The following PLCG2 variants were observed in gnomAD, a reference collection of about 807,000 sequenced individuals.
PLCG2 encodes the protein 1-phosphatidylinositol 4,5-bisphosphate phosphodiesterase gamma-2.
In PLCG2, 69 loss-of-function variants were observed where a neutral mutation model predicts 175.6. The ratio of observed to expected loss-of-function variants is 0.39; its 90% CI spans 0.32 to 0.48. The LOEUF is 0.48. Ranked by LOEUF, PLCG2 falls within the 20% of genes least tolerant of loss-of-function variation. The pLI, the probability that PLCG2 is intolerant of heterozygous loss-of-function variation, is 0.91. For missense variants in PLCG2, 1,798 were observed against 1,650.9 expected (o/e 1.09, Z -1.54); for synonymous variants, 827 against 624.0 (o/e 1.33, Z -4.85).
chr16:81,747,081 C>G (rs1346723861), intron 1 of PLCG2, among the ~76,000 whole-genome samples: 2 of 152,146 alleles, frequency 1.3e-5, no homozygotes, highest in Non-Finnish European at 2.9e-5. Flanking sequence ...CATTCTCAAA[C>G]AGTACTAGCG....
intron 21 of PLCG2, 118 bp from the exon 22 acceptor site, chr16:81,923,367 C>A: frequency 1.6e-6 from 1 of 627,782 alleles, no homozygotes; most frequent in Non-Finnish European, 2.8e-6. Context: ...GACTTTGTAA[C>A]CTTGGCCTGA....
At position 81,884,503 on chromosome 16, in the gene PLCG2, G is replaced by T. The variant is rs12924928; in HGVS notation, c.765+1162G>T. 3.6e-3 allele frequency among the ~76,000 whole-genome samples: 542 copies of T among 152,070 alleles called. 4 individuals carry two copies. The highest frequency in any genetic ancestry group is 0.012 in the African/African-American group (515 of 41,492). On this transcript the variant is annotated intron_variant, in intron 9 of 32. Transcript: ENST00000564138. ...TTACCAGCTGCACAGCCACCGACAGGTGGTTTACCCTTTTTGTGCCCCAGT... is the reference window on the plus strand; with the variant it reads ...TTACCAGCTGCACAGCCACCGACAGTTGGTTTACCCTTTTTGTGCCCCAGT...
At chr16:81,824,324 A>G (rs28546769) in intron 2 of PLCG2, among the ~76,000 whole-genome samples, 6,023 of 152,038 alleles carry the variant, frequency 0.04, 170 homozygotes, top group African/African-American at 0.073. Flanking sequence ...AGTAGAGACA[A>G]GGTTTCACCA....
intron 2 of PLCG2, among the ~76,000 whole-genome samples, chr16:81,769,645 G>A (rs949459478): frequency 6.6e-6 from 1 of 151,694 alleles, no homozygotes; most frequent in Non-Finnish European, 1.5e-5. Flanking sequence ...GTGAAACCCC[G>A]TCTCTACTAA....
At chr16:81,795,084 C>T (rs76953434) in intron 2 of PLCG2, among the ~76,000 whole-genome samples, 3 of 152,286 alleles carry the variant, frequency 2.0e-5, no homozygotes, top group African/African-American at 7.2e-5. Flanking sequence ...CAAAGAGGAC[C>T]TGATGTGTGT....
intron 7 of PLCG2, among the ~76,000 whole-genome samples, chr16:81,876,863 T>C (rs1347309234): frequency 6.6e-6 from 1 of 152,180 alleles, no homozygotes; most frequent in Admixed American, 6.5e-5. Context: ...ACCCGTAGCA[T>C]CTAGAATATT....
At chr16:81,815,951 A>C (rs543805262) in intron 2 of PLCG2, among the ~76,000 whole-genome samples, 5 of 151,906 alleles carry the variant, frequency 3.3e-5, no homozygotes, top group South Asian at 2.1e-4. Context: ...AATCCTGGCT[A>C]CTCAGGAGGC....
At position 81,893,855 on chromosome 16, in the gene PLCG2, T is replaced by C. The variant is rs1041851418; in HGVS notation, c.1072+61T>C. 2.2e-5 allele frequency: 23 copies of C among 1,031,910 alleles called. No homozygotes were observed. The Admixed American group carries it at 4.3e-4, about 19-fold the overall frequency. 63.9% of individuals were successfully genotyped at this position (1,031,910 alleles called of 1,614,324 possible). On this transcript the variant is annotated intron_variant, in intron 12 of 32. Transcript: ENST00000564138. ...AGCAAATTGAGGATAACCATGTGGTTGCTCCATGTTTTCTTTCGAATTGTA... is the reference window on the plus strand; with the variant it reads ...AGCAAATTGAGGATAACCATGTGGTCGCTCCATGTTTTCTTTCGAATTGTA...
rs12325308 is a variant in PLCG2, at chr16:81,927,054, C to G, written c.2418-28C>G. 17 of 1,462,420 alleles carry G rather than the reference C, an allele frequency of 1.2e-5. No homozygotes were observed. In the Admixed American group the frequency reaches 2.8e-4, roughly 24 times the overall value. The allele number at this position is 1,462,420 out of a possible 1,614,324, so 90.6% of individuals were successfully genotyped here. On this transcript the variant is annotated intron_variant, in intron 22 of 32. Transcript: ENST00000564138. ...GGTAATTCATGCCACCTGGTGACAG[C>G]GCCCCCATGTCCTCTCTTCTTATCC... is the stretch of plus-strand genomic sequence containing the variant.
At chr16:81,799,191 A>G (rs970387964) in intron 2 of PLCG2, among the ~76,000 whole-genome samples, 1 of 152,182 alleles carries the variant, frequency 6.6e-6, no homozygotes, top group African/African-American at 2.4e-5. Flanking sequence ...GACACATTTT[A>G]ACCTACTTCT....
rs185285704 is a variant in PLCG2 at position 81,758,379 on chromosome 16, C to T, written c.-48+2413C>T. ...AATATTCCATTTTATGGATAGATCA[C>T]ATCTGGTTCATTTGTTCATCAGTTG... On this transcript the variant is annotated intron_variant, in intron 2 of 5. Coordinates refer to the PLCG2 transcript ENST00000565054. Among the ~76,000 whole-genome samples, 11 of 152,306 alleles carry T rather than the reference C, an allele frequency of 7.2e-5. No homozygotes were observed. In the East Asian group the frequency reaches 2.1e-3, roughly 29 times the overall value.
At chr16:81,768,184 G>A (rs578251356) in intron 2 of PLCG2, among the ~76,000 whole-genome samples, 5 of 152,318 alleles carry the variant, frequency 3.3e-5, no homozygotes, top group East Asian at 1.9e-4. Context: ...CCTAATGCTG[G>A]TGTCTTTCAC....
At chr16:81,860,499 G>T (rs1398792391) in intron 5 of PLCG2, among the ~76,000 whole-genome samples, 1 of 152,090 alleles carries the variant, frequency 6.6e-6, no homozygotes, top group African/African-American at 2.4e-5. Flanking sequence ...TACCAGTGGG[G>T]CAAGAGGGCA....
intron 13 of PLCG2, chr16:81,897,987 T>C (rs1355353006): frequency 1.2e-5 from 5 of 410,796 alleles, no homozygotes; most frequent in East Asian, 7.3e-5. Flanking sequence ...CATCGCAGCA[T>C]TCTCCCCTGT....
intron 31 of PLCG2, among the ~76,000 whole-genome samples, chr16:81,947,793 C>G (rs1452000627): frequency 6.6e-6 from 1 of 152,144 alleles, no homozygotes; most frequent in Non-Finnish European, 1.5e-5. Context: ...TTTTTAGCAC[C>G]ATTTTATTAC....
chr16:81,946,534 C>T (rs1047037870), intron 31 of PLCG2, among the ~76,000 whole-genome samples: 1 of 152,088 alleles, frequency 6.6e-6, no homozygotes, highest in Admixed American at 6.6e-5. Flanking sequence ...CCCATAGTTT[C>T]ACTTCAGCAA....
upstream of PLCG2, among the ~76,000 whole-genome samples, chr16:81,778,016 C>CAAAAAAAAAAAAAAAAAAAAAA (rs753644088): frequency 1.0e-4 from 5 of 49,082 alleles, no homozygotes; most frequent in Admixed American, 2.3e-4. Context: ...GACTTTGTCT[C>CAAAAAAAAAAAAAAAAAAAAAA]AAAAAAAAAA....
chr16:81,908,718 C>G (rs1403015731), intron 17 of PLCG2, 127 bp downstream of exon 17: 9 of 759,050 alleles, frequency 1.2e-5, no homozygotes, highest in Admixed American at 3.0e-5. Context: ...CTTCATTTGT[C>G]TAGCTCTTCT....
At chr16:81,746,621 A>T (rs1909712826) in intron 1 of PLCG2, among the ~76,000 whole-genome samples, 1 of 152,236 alleles carries the variant, frequency 6.6e-6, no homozygotes, top group South Asian at 2.1e-4. Context: ...GAGGCAGAGA[A>T]TAAGAGCAAT....
Sources: allele counts gnomAD v4.1 joint callset (sites outside exome capture counted in the v4.1 genomes callset), GRCh38; gene constraint gnomAD v4.1.1; transcripts MANE v1.5; gene names NCBI Gene and HGNC (gene_info 2026-07-23, HGNC 2026-07-21).